HARS2: variants seen among roughly 807,000 people sequenced by gnomAD.
HARS2 encodes the protein histidyl-tRNA synthetase 2, mitochondrial, also known as histidine--tRNA ligase, mitochondrial.
In HARS2, 40 loss-of-function variants were observed where a neutral mutation model predicts 62.4. That is an observed-to-expected ratio of 0.64 (90% CI 0.50 to 0.83). The LOEUF (loss-of-function observed/expected upper bound fraction) is 0.83. HARS2 is among the 40% of genes least tolerant of loss of function. The pLI, the probability that HARS2 is intolerant of heterozygous loss-of-function variation, is 0.00. For synonymous variants in HARS2, 228 were observed against 227.0 expected (o/e 1.00, Z -0.04); for missense variants, 569 against 626.4 (o/e 0.91, Z 0.98).
chr5:140,698,685 C>A lies in HARS2; in HGVS notation c.*133C>A. 1.2e-6 allele frequency: 1 copy of A among 806,894 alleles called. No homozygotes were observed. The highest frequency in any genetic ancestry group is 2.2e-6 in the Non-Finnish European group (1 of 449,818). The allele number at this position is 806,894 out of a possible 1,614,324, so 50.0% of individuals were successfully genotyped here. ...ACAAGTACCTTCTGCCTCCTCCATT[C>A]TTCCTGGGTGCAGAACTGTAGAAGA... On this transcript the variant is annotated 3_prime_UTR_variant, in exon 13 of 13. Coordinates refer to ENST00000230771, the MANE Select transcript of HARS2 (RefSeq NM_012208.4).
Position 140,695,490 on chromosome 5 carries a change from T to G in HARS2, c.400-18T>G. 1 of 1,613,986 alleles carries G rather than the reference T, an allele frequency of 6.2e-7. No homozygotes were observed. Among genetic ancestry groups the G allele is most frequent in the Non-Finnish European group, 8.5e-7 (1 of 1,179,950 alleles). ...TCTTTGGATGCAGTATCCCTCTTCC[T>G]TAACCCATTTATGTGAGGTTCCCTT... is the stretch of plus-strand genomic sequence containing the variant. On this transcript the variant is annotated intron_variant, in intron 4 of 12. Coordinates refer to ENST00000230771, the MANE Select transcript of HARS2 (RefSeq NM_012208.4).
In HARS2 at chr5:140,692,786, G is replaced by A. The variant is rs112585944; in HGVS notation, c.109-805G>A. 5.0e-3 allele frequency among the ~76,000 whole-genome samples: 762 copies of A among 152,078 alleles called. 3 individuals are homozygous for A. Among genetic ancestry groups the A allele is most frequent in the Non-Finnish European group, 7.9e-3 (534 of 67,986 alleles). ...CATGTGCCTGTAATCCCAGCTACTCGGGAGGCAGAGACAGGAGAATCGCTT... is the reference window on the plus strand; with the variant it reads ...CATGTGCCTGTAATCCCAGCTACTCAGGAGGCAGAGACAGGAGAATCGCTT... On this transcript the variant is annotated intron_variant, in intron 1 of 12. Coordinates refer to ENST00000230771, the MANE Select transcript of HARS2 (RefSeq NM_012208.4).
At chr5:140,694,603 C>A (rs1469016557) in intron 4 of HARS2, among the ~76,000 whole-genome samples, 1 of 152,170 alleles carries the variant, frequency 6.6e-6, no homozygotes, top group Non-Finnish European at 1.5e-5. Context: ...ACGTGGCTCA[C>A]GCCTGTAATC....
chr5:140,698,234 G>C (rs1214570726), intron 12 of HARS2, among the ~76,000 whole-genome samples, 156 bp downstream of exon 12: 1 of 152,226 alleles, frequency 6.6e-6, no homozygotes, highest in Non-Finnish European at 1.5e-5. Flanking sequence ...CTGCCTGTGA[G>C]TATTGACTGG....
chr5:140,693,407 G>A, intron 1 of HARS2, 184 bp from the exon 2 acceptor site: 1 of 1,190,742 alleles, frequency 8.4e-7, no homozygotes, highest in Non-Finnish European at 1.2e-6. Flanking sequence ...TATTACACGT[G>A]TAATTGTAAA....
intron 8 of HARS2, 28 bp downstream of exon 8, chr5:140,696,642 A>G (rs1759754873): frequency 1.4e-6 from 2 of 1,459,994 alleles, no homozygotes; most frequent in East Asian, 2.3e-5. Context: ...CAGAGCTGTG[A>G]TAGAACCAGG....
chr5:140,694,743 T>G (rs1288021459), intron 4 of HARS2, among the ~76,000 whole-genome samples: 1 of 152,102 alleles, frequency 6.6e-6, no homozygotes, highest in African/African-American at 2.4e-5. Context: ...GTTCTGAGTC[T>G]AGTTTGGGAC....
rs1034840778 is a variant in HARS2, at chr5:140,697,598, G to C, written c.1227G>C (p.Glu409Asp). 6.2e-6 allele frequency: 10 copies of C among 1,613,830 alleles called. No homozygotes were observed. The South Asian group carries it at 9.9e-5, about 16-fold the overall frequency. ...AAGGTGAGAAGGTGCGGACTACAGA[G>C]ACTCAAGTGTTTGTGGCCACACCAC... is the stretch of plus-strand genomic sequence containing the variant. ...KTKGEKVRTTETQVFVATPQK... is the reference protein window; with the variant it reads ...KTKGEKVRTTDTQVFVATPQK... The change falls in exon 11 of 13, where the codon GAG becomes GAC. Residue 409 changes from glutamate to aspartate, a missense_variant. Glu to Asp is a conservative substitution (Grantham distance 45, BLOSUM62 2). Transcript: ENST00000230771.
intron 4 of HARS2, among the ~76,000 whole-genome samples, chr5:140,695,056 C>T (rs527915083): frequency 5.8e-4 from 88 of 152,226 alleles, no homozygotes; most frequent in Middle Eastern, 6.8e-3. Flanking sequence ...GCTGGGGTTA[C>T]GGGTGTGAGC....
In HARS2 at chr5:140,691,510, A is replaced by AG; in HGVS notation, c.-138dup. The AG allele has an allele frequency of 1.3e-6, 1 of 745,664 alleles. No individual in the cohort carries two copies. The highest frequency in any genetic ancestry group is 1.5e-5 in the South Asian group (1 of 65,680). 46.2% of individuals were successfully genotyped at this position (745,664 alleles called of 1,614,324 possible). ...GGATCCCACCTCAGCCTTCGTGACT[A>AG]GTGAGGTGCGCAAACGCCCGAGTTT... On this transcript the variant is annotated 5_prime_UTR_variant, in exon 1 of 13. Coordinates refer to ENST00000230771, the MANE Select transcript of HARS2 (RefSeq NM_012208.4).
chr5:140,698,926 C>T lies in HARS2; in HGVS notation c.*374C>T, dbSNP rs1002387717. The T allele has an allele frequency of 3.2e-6, 1 of 312,622 alleles. No individual in the cohort carries two copies. Among genetic ancestry groups the T allele is most frequent in the African/African-American group, 2.1e-5 (1 of 46,660 alleles). 19.4% of individuals were successfully genotyped at this position (312,622 alleles called of 1,614,324 possible). A position where few individuals can be genotyped will look rare whatever the true frequency, so the allele number is the denominator to read the frequency against. On this transcript the variant is annotated 3_prime_UTR_variant, in exon 13 of 13. Coordinates refer to ENST00000230771, the MANE Select transcript of HARS2 (RefSeq NM_012208.4). ...GATCAGAAACCAGATACTTAGCCTT[C>T]TACTGTAGCTACGGAACCAGATTCT...
intron 6 of HARS2, 118 bp from the exon 7 acceptor site, chr5:140,695,985 G>A (rs1759726788): frequency 3.1e-6 from 3 of 977,178 alleles, no homozygotes; most frequent in Non-Finnish European, 5.0e-6. Flanking sequence ...TTTCCTATAT[G>A]TCTGTACTCT....
rs767332898 is a variant in HARS2, at chr5:140,694,067, G to A, written c.303+13G>A. On this transcript the variant is annotated intron_variant, in intron 3 of 12. Transcript: ENST00000230771. The stretch of plus-strand genomic sequence containing the variant: ...ATTTGAGCTGAAGGTAAGGGGAGAA[G>A]AAAGAGTACGTGCAACCTCACTCAC... 6.2e-7 allele frequency: 1 copy of A among 1,614,148 alleles called. No individual in the cohort carries two copies. The highest frequency in any genetic ancestry group is 8.5e-7 in the Non-Finnish European group (1 of 1,179,984).
At chr5:140,693,254 A>G (rs1581540925) in intron 1 of HARS2, among the ~76,000 whole-genome samples, 1 of 151,006 alleles carries the variant, frequency 6.6e-6, no homozygotes, top group Admixed American at 6.6e-5. Context: ...AATTGCTTGA[A>G]CCAGGAGGCA....
intron 1 of HARS2, chr5:140,692,030 T>A (rs182161259): frequency 2.0e-6 from 1 of 490,980 alleles, no homozygotes; most frequent in African/African-American, 1.9e-5. Flanking sequence ...AAGGGAGTAT[T>A]TTAATTCATA....
chr5:140,695,459 G>A (rs1759702070), intron 4 of HARS2, 49 bp from the exon 5 acceptor site: 1 of 1,610,746 alleles, frequency 6.2e-7, no homozygotes, highest in South Asian at 1.1e-5. Flanking sequence ...TGTATACTGG[G>A]CCTAATCTTT....
At chr5:140,691,963 A>C (rs1322800321) in intron 1 of HARS2, 1 of 599,234 alleles carries the variant, frequency 1.7e-6, no homozygotes, top group Non-Finnish European at 3.0e-6. Flanking sequence ...TCCATTCTGC[A>C]GTTGAGGAAA....
chr5:140,696,404 T>G, intron 7 of HARS2, 117 bp from the exon 8 acceptor site: 1 of 865,822 alleles, frequency 1.2e-6, no homozygotes, highest in Non-Finnish European at 2.0e-6. Flanking sequence ...TCTCTGACTT[T>G]GCTGAGTATA....
chr5:140,694,068 A>G lies in HARS2; in HGVS notation c.303+14A>G. The stretch of plus-strand genomic sequence containing the variant: ...TTTGAGCTGAAGGTAAGGGGAGAAG[A>G]AAGAGTACGTGCAACCTCACTCACT... On this transcript the variant is annotated intron_variant, in intron 3 of 12. Coordinates refer to ENST00000230771, the MANE Select transcript of HARS2 (RefSeq NM_012208.4). 1.2e-6 allele frequency: 2 copies of G among 1,614,184 alleles called. No homozygotes were observed. The highest frequency in any genetic ancestry group is 8.5e-7 in the Non-Finnish European group (1 of 1,179,996).
Sources: gnomAD v4.1 joint callset for allele counts (sites outside exome capture counted in the v4.1 genomes callset) on GRCh38, gnomAD v4.1.1 for gene constraint, MANE v1.5 for transcripts, NCBI Gene and HGNC (gene_info 2026-07-23, HGNC 2026-07-21) for gene names.